The following MPND variants were observed in gnomAD, a reference collection of about 807,000 sequenced individuals.
The protein encoded by MPND is MPN domain containing.
A neutral mutation model predicts 59.2 loss-of-function variants in MPND; 56 were observed. That is an observed-to-expected ratio of 0.95 (90% confidence interval 0.76 to 1.18). MPND has a LOEUF of 1.18. MPND is among the 50% of genes most tolerant of loss of function. The pLI is 0.00. For synonymous variants in MPND, 323 were observed against 291.9 expected (o/e 1.11, Z -1.09); for missense variants, 671 against 676.0 (o/e 0.99, Z 0.08).
chr19:4,359,307 C>T, intron 12 of MPND, 52 bp downstream of exon 12: 2 of 1,364,480 alleles, frequency 1.5e-6, no homozygotes, highest in Non-Finnish European at 2.1e-6. Flanking sequence ...GAGAGGCCCC[C>T]TGGGCAGCCT....
Position 4,352,949 on chromosome 19 carries a change from A to C in MPND, c.584A>C (p.Glu195Ala). Residue 195 changes from glutamate (E) to alanine (A), a missense_variant, in exon 4 of 13, where the codon GAG becomes GCG. By Grantham distance (107) the Glu-to-Ala change is moderately radical. Transcript: ENST00000599840. ...GAGTTGCTGATGGAAGAGGAGGAGG[A>C]GGACGTTCTGGCAGGGGTCTCAGCA... ...EEELLMEEEEEDVLAGVSAED... is the reference protein window; with the variant it reads ...EEELLMEEEEADVLAGVSAED... 1.4e-6 allele frequency: 2 copies of C among 1,406,310 alleles called. No individual in the cohort carries two copies. Among genetic ancestry groups the C allele is most frequent in the East Asian group, 2.7e-5 (1 of 36,662 alleles). 87.1% of individuals were successfully genotyped at this position (1,406,310 alleles called of 1,614,324 possible).
At chr19:4,348,590 C>G (rs774264027) in intron 3 of MPND, 1 of 151,894 alleles carries the variant, frequency 6.6e-6, no homozygotes, top group Admixed American at 6.6e-5. Context: ...TCACTAGTTT[C>G]TTTTTATCGT....
rs1189558136 is a variant in MPND at position 4,354,369 on chromosome 19, C to T, written c.795C>T (p.Asn265=). 2.6e-6 allele frequency: 4 copies of T among 1,562,580 alleles called. No individual in the cohort carries two copies. The African/African-American group carries it at 4.1e-5, about 16-fold the overall frequency. Reference sequence around the variant, plus strand: ...AAGTAACATCCTTTGCAGCCATCAACAAGTTCCAGCCGTTCAACGTGGCTG... The same window carrying T: ...AAGTAACATCCTTTGCAGCCATCAATAAGTTCCAGCCGTTCAACGTGGCTG... ...LVEVTSFAAI[N]KFQPFNVAVS... is the part of the protein sequence containing the mutation. Residue 265 remains asparagine (N), a synonymous_variant, in exon 6 of 13, where the codon AAC becomes AAT. Transcript: ENST00000599840.
At chr19:4,351,678 C>A (rs560747554) in intron 3 of MPND, among the ~76,000 whole-genome samples, 1 of 151,156 alleles carries the variant, frequency 6.6e-6, no homozygotes, top group African/African-American at 2.4e-5. Flanking sequence ...CTGGCTAACA[C>A]GGTGAAACCC....
intron 3 of MPND, among the ~76,000 whole-genome samples, chr19:4,352,679 G>A (rs770867980): frequency 6.6e-5 from 10 of 151,606 alleles, no homozygotes; most frequent in Non-Finnish European, 8.8e-5. Flanking sequence ...GAGAGACTCC[G>A]TCTCAAAAAT....
At chr19:4,358,741 C>A (rs1383730833) in intron 11 of MPND, among the ~76,000 whole-genome samples, 2 of 152,170 alleles carry the variant, frequency 1.3e-5, no homozygotes, top group Non-Finnish European at 2.9e-5. Context: ...GAGCCGAGAT[C>A]ACGCCACTGC....
intron 3 of MPND, among the ~76,000 whole-genome samples, chr19:4,351,612 C>G (rs1416309673): frequency 6.6e-6 from 1 of 151,934 alleles, no homozygotes; most frequent in Non-Finnish European, 1.5e-5. Context: ...CCTTTAATCC[C>G]AGCACTTTGG....
rs1972464884 is a variant in MPND at position 4,357,435 on chromosome 19, G to A, written c.1165+14G>A. 6.2e-6 allele frequency: 10 copies of A among 1,610,636 alleles called. No individual in the cohort carries two copies. The highest frequency in any genetic ancestry group is 7.6e-6 in the Non-Finnish European group (9 of 1,178,338). On this transcript the variant is annotated intron_variant, in intron 9 of 12. Transcript: ENST00000599840. ...CCCTGCTCTGCTGTACGCGGGATGG[G>A]GCTGTGGGGGGAGCAAGGAGGGGGG...
intron 3 of MPND, 129 bp from the exon 4 acceptor site, chr19:4,352,768 C>A: frequency 1.1e-6 from 1 of 887,670 alleles, no homozygotes. Context: ...CTCCCTCCCT[C>A]CCTCTAGTGG....
rs144642882 is a variant in MPND at position 4,347,586 on chromosome 19, T to C, written c.531+1605T>C. 4.2e-4 allele frequency among the ~76,000 whole-genome samples: 64 copies of C among 152,198 alleles called. No homozygotes were observed. In the East Asian group the frequency reaches 0.012, roughly 28 times the overall value. ...ACTTTTTTTTATGTACGAAGTTTAT[T>C]GCATGAAGGAGTTAACACTAGTCCA... On this transcript the variant is annotated intron_variant, in intron 3 of 12. Transcript: ENST00000599840.
rs530404251 is a variant in MPND, at chr19:4,345,929, C to A, written c.479C>A (p.Ala160Asp). The change falls in exon 3 of 13, where the codon GCC becomes GAC. Residue 160 changes from alanine (A) to aspartate (D), a missense_variant. By Grantham distance (126) the Ala-to-Asp change is moderately radical. Coordinates refer to ENST00000599840, the MANE Select transcript of MPND (RefSeq NM_001300862.2). ...YKGQKLDKYK[A>D]TWLRLHQLHT... The stretch of plus-strand genomic sequence containing the variant: ...GGCCAGAAACTGGACAAGTACAAGG[C>A]CACCTGGCTCCGGCTGCACCAGCTG... 3.1e-6 allele frequency: 5 copies of A among 1,613,528 alleles called. No individual in the cohort carries two copies. Among genetic ancestry groups the A allele is most frequent in the Non-Finnish European group, 1.7e-6 (2 of 1,179,996 alleles).
chr19:4,354,199 G>T, intron 5 of MPND, 70 bp downstream of exon 5: 1 of 1,549,030 alleles, frequency 6.5e-7, no homozygotes, highest in Non-Finnish European at 8.8e-7. Flanking sequence ...GGGGTAGCAA[G>T]GGCAGGGGTG....
At chr19:4,354,812 C>T (rs1210298124) in intron 6 of MPND, 137 bp from the exon 7 acceptor site, 8 of 858,576 alleles carry the variant, frequency 9.3e-6, no homozygotes, top group South Asian at 1.8e-5. Context: ...TGCGGTGAGC[C>T]AAGATCGTGC....
chr19:4,354,980 T>C lies in MPND; in HGVS notation c.878T>C (p.Val293Ala). Residue 293 changes from valine to alanine, a missense_variant, in exon 7 of 13, where the codon GTC becomes GCC. Physicochemically the swap from Val to Ala is moderately conservative, Grantham distance 64. Coordinates refer to ENST00000599840, the MANE Select transcript of MPND (RefSeq NM_001300862.2). Reference protein sequence around the residue: ...DFHSHLTRSEVVGYLGGRWDV... With the variant: ...DFHSHLTRSEAVGYLGGRWDV... ...CACAGTCACCTGACACGGAGTGAGG[T>C]CGTGGGTTACCTGGGGGGCCGCTGG... 1.3e-6 allele frequency: 2 copies of C among 1,559,270 alleles called. No individual in the cohort carries two copies. Among genetic ancestry groups the C allele is most frequent in the Non-Finnish European group, 1.7e-6 (2 of 1,150,122 alleles).
intron 3 of MPND, among the ~76,000 whole-genome samples, chr19:4,352,400 G>A (rs1433305171): frequency 6.6e-6 from 1 of 152,062 alleles, no homozygotes; most frequent in African/African-American, 2.4e-5. Flanking sequence ...AAAATGCGAG[G>A]TGAGCCGGGT....
At chr19:4,353,306 C>T (rs934895916) in intron 4 of MPND, among the ~76,000 whole-genome samples, 6 of 152,130 alleles carry the variant, frequency 3.9e-5, no homozygotes, top group Admixed American at 1.3e-4. Context: ...CTCCCTCTGT[C>T]GCCCAGGCTG....
At chr19:4,357,671 G>A (rs1972473577) in intron 10 of MPND, 86 bp downstream of exon 10, 18 of 1,356,460 alleles carry the variant, frequency 1.3e-5, no homozygotes, top group Middle Eastern at 2.4e-4. Context: ...CTGGTTCCAG[G>A]CTCCACTGGA....
At chr19:4,344,144 C>T in intron 2 of MPND, 150 bp downstream of exon 2, 1 of 483,798 alleles carries the variant, frequency 2.1e-6, no homozygotes, top group Middle Eastern at 4.1e-4. Flanking sequence ...CCCGGTGTGG[C>T]GAGGGGAAAC....
chr19:4,344,084 G>C (rs993262373), intron 2 of MPND, 90 bp downstream of exon 2: 2 of 988,776 alleles, frequency 2.0e-6, no homozygotes, highest in African/African-American at 3.4e-5. Context: ...ACAAGCTTCA[G>C]TGTAGGGAGG....
Sources: gnomAD v4.1 joint callset for allele counts (sites outside exome capture counted in the v4.1 genomes callset) on GRCh38, gnomAD v4.1.1 for gene constraint, MANE v1.5 for transcripts, NCBI Gene and HGNC (gene_info 2026-07-23, HGNC 2026-07-21) for gene names.